DNAI7: variants seen among roughly 807,000 people sequenced by gnomAD.
The protein encoded by DNAI7 is dynein axonemal intermediate chain 7, also known as cancer susceptibility 1.
In DNAI7, 78 loss-of-function variants were observed where a neutral mutation model predicts 86.6. The observed-to-expected ratio is 0.90, with a 90% CI of 0.75 to 1.09. The LOEUF (loss-of-function observed/expected upper bound fraction) is 1.09, where lower values mean the gene tolerates loss of function less well. Among genes scored for constraint, DNAI7 ranks in the 50% least tolerant of loss-of-function variants. The pLI, the probability that DNAI7 is intolerant of heterozygous loss-of-function variation, is 0.00. For synonymous variants in DNAI7, 274 were observed against 273.0 expected (o/e 1.00, Z -0.04); for missense variants, 753 against 810.2 (o/e 0.93, Z 0.86).
Position 25,166,680 on chromosome 12 carries a change from G to C in DNAI7, c.22-5483C>G, listed in dbSNP as rs139239622. ...AAAACAACAACTCCTTTCCTTCCTA[G>C]GCATGGTTAGTGTGGTCAGAATTCT... On this transcript the variant is annotated intron_variant, in intron 2 of 15. Transcript: ENST00000395987. Among the ~76,000 whole-genome samples the C allele has an allele frequency of 4.6e-3, 703 of 152,114 alleles. 4 individuals are homozygous for C. Among genetic ancestry groups the C allele is most frequent in the African/African-American group, 0.016 (679 of 41,484 alleles).
chr12:25,165,476 CCTAAG>C (rs752816291), intron 2 of DNAI7, among the ~76,000 whole-genome samples: 1 of 152,240 alleles, frequency 6.6e-6, no homozygotes, highest in African/African-American at 2.4e-5. Flanking sequence ...CAGGATTCCT[CCTAAG>C]CTGTGTCCCA....
chr12:25,165,804 G>A (rs2141084069), intron 2 of DNAI7, among the ~76,000 whole-genome samples: 1 of 152,224 alleles, frequency 6.6e-6, no homozygotes, highest in South Asian at 2.1e-4. Flanking sequence ...TGACGGCCAG[G>A]CTTCTAAACC....
intron 2 of DNAI7, among the ~76,000 whole-genome samples, chr12:25,164,085 G>A (rs948526103): frequency 3.3e-5 from 5 of 151,990 alleles, no homozygotes; most frequent in African/African-American, 4.8e-5. Context: ...GGCAAGTACC[G>A]CTTTTCTGGA....
At chr12:25,139,151 A>G (rs2140764120) in intron 9 of DNAI7, among the ~76,000 whole-genome samples, 1 of 152,258 alleles carries the variant, frequency 6.6e-6, no homozygotes, top group East Asian at 1.9e-4. Flanking sequence ...TCCCAGATTA[A>G]AACAGAAATA....
In DNAI7 at chr12:25,195,117, A is replaced by G. The variant is rs182222744; in HGVS notation, c.-39T>C. On this transcript the variant is annotated 5_prime_UTR_variant, in exon 1 of 16. Coordinates refer to ENST00000395987, the MANE Select transcript of DNAI7 (RefSeq NM_018272.5). ...CCACTGCAGTAGTCCGCAGAGTCGG[A>G]GCAGAAATTGTGTGGACAAACGCTC... 5.6e-6 allele frequency: 9 copies of G among 1,608,550 alleles called. No individual in the cohort carries two copies.
At chr12:25,188,429 G>A (rs2141362825) in intron 2 of DNAI7, among the ~76,000 whole-genome samples, 1 of 152,182 alleles carries the variant, frequency 6.6e-6, no homozygotes, top group South Asian at 2.1e-4. Flanking sequence ...TACCATGTGT[G>A]TTCATTAATT....
chr12:25,162,191 A>G (rs1464347173), intron 2 of DNAI7, among the ~76,000 whole-genome samples: 2 of 152,226 alleles, frequency 1.3e-5, no homozygotes, highest in Non-Finnish European at 2.9e-5. Context: ...GGCCCTGGAA[A>G]TGTAGAGAAG....
chr12:25,181,438 A>G (rs1949493067), intron 2 of DNAI7, among the ~76,000 whole-genome samples: 1 of 152,008 alleles, frequency 6.6e-6, no homozygotes, highest in Non-Finnish European at 1.5e-5. Context: ...AACTATAAAA[A>G]CCCTAAAAGA....
At chr12:25,112,552 G>A (rs557040753) in intron 13 of DNAI7, among the ~76,000 whole-genome samples, 39 of 151,584 alleles carry the variant, frequency 2.6e-4, no homozygotes, top group Non-Finnish European at 3.5e-4. Flanking sequence ...GACTACAGGC[G>A]CCCACCACCA....
rs574567664 is a variant in DNAI7, at chr12:25,110,595, C to T, written c.1780-355G>A. On this transcript the variant is annotated intron_variant, in intron 14 of 15. Coordinates refer to ENST00000395987, the MANE Select transcript of DNAI7 (RefSeq NM_018272.5). ...CCAAGCCACTCCCTCGGGGCTCTTG[C>T]TCCAGTTGTTTACCAGGAAGCTGCT... is the stretch of plus-strand genomic sequence containing the variant. Among the ~76,000 whole-genome samples the T allele has an allele frequency of 3.0e-3, 461 of 152,288 alleles. 5 individuals are homozygous for T. The highest frequency in any genetic ancestry group is 1.8e-3 in the Admixed American group (28 of 15,296).
Position 25,114,541 on chromosome 12 carries a change from A to G in DNAI7, c.1611+115T>C, listed in dbSNP as rs1412771514. On this transcript the variant is annotated intron_variant, in intron 13 of 15. Transcript: ENST00000395987. Reference sequence around the variant, plus strand: ...TACATTTTTAAGGTCATTATAAGACACTTATATTTCAATATATAAATCAGC... The same window carrying G: ...TACATTTTTAAGGTCATTATAAGACGCTTATATTTCAATATATAAATCAGC... 8.5e-5 allele frequency: 55 copies of G among 645,732 alleles called. No individual in the cohort carries two copies. In the Admixed American group the frequency reaches 1.5e-3, roughly 17 times the overall value. The allele number at this position is 645,732 out of a possible 1,614,324, so 40.0% of individuals were successfully genotyped here.
chr12:25,188,942 T>C (rs551494770), intron 2 of DNAI7, among the ~76,000 whole-genome samples: 12 of 152,338 alleles, frequency 7.9e-5, no homozygotes, highest in African/African-American at 2.6e-4. Context: ...CCAGAATGCT[T>C]GAATGCTTCC....
At chr12:25,151,068 A>C (rs1029833155) in intron 6 of DNAI7, among the ~76,000 whole-genome samples, 3 of 152,234 alleles carry the variant, frequency 2.0e-5, no homozygotes, top group African/African-American at 7.2e-5. Flanking sequence ...AATTTTGAAC[A>C]CTAACACAGA....
intron 15 of DNAI7, among the ~76,000 whole-genome samples, chr12:25,109,898 G>A (rs757484528): frequency 6.0e-5 from 9 of 151,260 alleles, no homozygotes; most frequent in African/African-American, 2.4e-5. Context: ...GGCTGGTCTC[G>A]AACTCCTGAC....
At chr12:25,146,152 G>A (rs932361044) in intron 8 of DNAI7, among the ~76,000 whole-genome samples, 1 of 151,606 alleles carries the variant, frequency 6.6e-6, no homozygotes, top group Non-Finnish European at 1.5e-5. Flanking sequence ...AACACAGGAG[G>A]CAGAGGTTGC....
Position 25,108,510 on chromosome 12 carries a change from T to C in DNAI7, c.*38A>G. 2 of 1,557,768 alleles carry C rather than the reference T, an allele frequency of 1.3e-6. No individual in the cohort carries two copies. Among genetic ancestry groups the C allele is most frequent in the Non-Finnish European group, 1.8e-6 (2 of 1,142,542 alleles). On this transcript the variant is annotated 3_prime_UTR_variant, in exon 16 of 16. Transcript: ENST00000395987. ...AGAAATACCTGTCTTTCACCATGCT[T>C]GGTTCTTCATACTTACAATACAGTT...
At chr12:25,123,308 T>A in intron 9 of DNAI7, 22 bp from the exon 10 acceptor site, 1 of 1,521,302 alleles carries the variant, frequency 6.6e-7, no homozygotes, top group East Asian at 2.3e-5. Flanking sequence ...CACAGACATA[T>A]GGGTGTGATT....
intron 2 of DNAI7, among the ~76,000 whole-genome samples, chr12:25,187,618 C>T (rs1319250129): frequency 1.3e-5 from 2 of 152,028 alleles, no homozygotes; most frequent in Non-Finnish European, 2.9e-5. Context: ...TCATTCCTGC[C>T]TTGATTGTGA....
intron 11 of DNAI7, among the ~76,000 whole-genome samples, chr12:25,120,395 A>G (rs1440897584): frequency 6.7e-6 from 1 of 150,250 alleles, no homozygotes; most frequent in Non-Finnish European, 1.5e-5. Context: ...GTAGTATTCT[A>G]TGGGAAGCAA....
Sources: gnomAD v4.1 joint callset for allele counts (sites outside exome capture counted in the v4.1 genomes callset) on GRCh38, gnomAD v4.1.1 for gene constraint, MANE v1.5 for transcripts, NCBI Gene and HGNC (gene_info 2026-07-23, HGNC 2026-07-21) for gene names.